Variants in PHF24 observed in about 807,000 individuals in gnomAD.
The protein encoded by PHF24 is PHD finger protein 24.
PHF24 carries 25 observed loss-of-function variants against 42.6 expected under a neutral mutation model. That is an observed-to-expected ratio of 0.59 (90% confidence interval 0.43 to 0.82). The LOEUF is 0.82. PHF24 is among the 40% of genes least tolerant of loss of function. The pLI, the probability that PHF24 is intolerant of heterozygous loss-of-function variation, is 0.00. For synonymous variants in PHF24, 185 were observed against 204.8 expected (o/e 0.90, Z 0.83); for missense variants, 470 against 538.1 (o/e 0.87, Z 1.25).
At chr9:34,722,645 A>T in the PHF24 span, among the ~76,000 whole-genome samples, 1 of 152,190 alleles carries the variant, frequency 6.6e-6, no homozygotes, top group Admixed American at 6.5e-5. Flanking sequence ...TGCTTCTCAA[A>T]GTAATTTTTA....
chr9:34,883,685 C>G, the PHF24 span, among the ~76,000 whole-genome samples: 10 of 152,122 alleles, frequency 6.6e-5, no homozygotes, highest in African/African-American at 1.2e-4. Context: ...ACACCAGTTA[C>G]AATGGTGATC....
At chr9:34,896,392 T>G in the PHF24 span, among the ~76,000 whole-genome samples, 30 of 152,304 alleles carry the variant, frequency 2.0e-4, no homozygotes, top group Non-Finnish European at 3.5e-4. Flanking sequence ...AAAGAAGGAC[T>G]TCTCCCAATC....
At chr9:34,675,085 C>T in the PHF24 span, among the ~76,000 whole-genome samples, 12 of 152,104 alleles carry the variant, frequency 7.9e-5, no homozygotes, top group African/African-American at 1.9e-4. Flanking sequence ...GTCAAACTCC[C>T]GGGCTCAAGT....
chr9:34,829,409 A>G, the PHF24 span, among the ~76,000 whole-genome samples: 9 of 152,186 alleles, frequency 5.9e-5, no homozygotes, highest in Non-Finnish European at 1.2e-4. Flanking sequence ...ACCTCATGAG[A>G]TGACAAGCTC....
the PHF24 span, among the ~76,000 whole-genome samples, chr9:34,759,715 G>A: frequency 1.3e-5 from 2 of 152,054 alleles, no homozygotes; most frequent in Admixed American, 6.6e-5. Context: ...TGCAAATCCT[G>A]CACCTGCTCC....
the PHF24 span, among the ~76,000 whole-genome samples, chr9:34,797,483 T>C: frequency 6.6e-6 from 1 of 152,082 alleles, no homozygotes; most frequent in Non-Finnish European, 1.5e-5. Context: ...AGGGAATGGA[T>C]TGGGAAGGTT....
At chr9:34,678,768 C>G in the PHF24 span, among the ~76,000 whole-genome samples, 1 of 152,032 alleles carries the variant, frequency 6.6e-6, no homozygotes, top group African/African-American at 2.4e-5. Flanking sequence ...GTCTCTGGGA[C>G]TACAGGCATG....
intron 1 of PHF24, among the ~76,000 whole-genome samples, chr9:34,967,829 T>G (rs929945352): frequency 6.6e-6 from 1 of 152,198 alleles, no homozygotes; most frequent in Non-Finnish European, 1.5e-5. Context: ...TTAGATCATA[T>G]GAACTTTTAA....
chr9:34,947,455 A>G, the PHF24 span, among the ~76,000 whole-genome samples: 12 of 152,274 alleles, frequency 7.9e-5, no homozygotes, highest in Non-Finnish European at 5.9e-5. Context: ...TATATACAGT[A>G]CATAATACTT....
the PHF24 span, among the ~76,000 whole-genome samples, chr9:34,700,314 G>C: frequency 1.1e-4 from 17 of 152,236 alleles, no homozygotes; most frequent in African/African-American, 4.1e-4. Context: ...TGCAAGAATG[G>C]AAGCAGGGAG....
the PHF24 span, among the ~76,000 whole-genome samples, chr9:34,781,546 G>A: frequency 6.6e-6 from 1 of 152,146 alleles, no homozygotes; most frequent in African/African-American, 2.4e-5. Flanking sequence ...ACAACATTGT[G>A]AATGTAACTA....
the PHF24 span, among the ~76,000 whole-genome samples, chr9:34,673,330 G>A: frequency 7.0e-6 from 1 of 142,876 alleles, no homozygotes; most frequent in African/African-American, 2.6e-5. Context: ...CTCCGGTCCG[G>A]GCTACAGAGC....
the PHF24 span, among the ~76,000 whole-genome samples, chr9:34,789,712 AC>A: frequency 1.3e-5 from 2 of 152,248 alleles, no homozygotes; most frequent in Non-Finnish European, 2.9e-5. Context: ...GAACTGTCAA[AC>A]TAAATAACAG....
chr9:34,768,578 G>C, the PHF24 span, among the ~76,000 whole-genome samples: 1 of 152,092 alleles, frequency 6.6e-6, no homozygotes, highest in Non-Finnish European at 1.5e-5. Context: ...GGATTAAATG[G>C]GATGTTGTAA....
chr9:34,679,724 C>T, the PHF24 span, among the ~76,000 whole-genome samples: 2 of 151,774 alleles, frequency 1.3e-5, no homozygotes, highest in African/African-American at 4.8e-5. Flanking sequence ...AAAAAACTTC[C>T]ATATTGTGGA....
At chr9:34,678,164 T>C in the PHF24 span, 2 of 152,328 alleles carry the variant, frequency 1.3e-5, no homozygotes, top group African/African-American at 4.8e-5. Flanking sequence ...CCTGGATGTT[T>C]CCTGCCCTTG....
the PHF24 span, among the ~76,000 whole-genome samples, chr9:34,921,423 G>A: frequency 6.6e-6 from 1 of 150,936 alleles, no homozygotes; most frequent in Admixed American, 6.6e-5. Context: ...TTGTTTTACT[G>A]CTGTGCTTGA....
the PHF24 span, chr9:34,837,623 A>G: frequency 1.5e-5 from 22 of 1,485,174 alleles, no homozygotes; most frequent in Non-Finnish European, 1.8e-5. Flanking sequence ...CCCACAGTGG[A>G]AGGGAGTCAG....
the PHF24 span, chr9:34,838,408 C>A: frequency 1.6e-6 from 2 of 1,240,192 alleles, no homozygotes; most frequent in Admixed American, 4.0e-5. Context: ...TTTCACTTGC[C>A]AGATAATTAC....
Sources: allele counts gnomAD v4.1 joint callset (sites outside exome capture counted in the v4.1 genomes callset), GRCh38; gene constraint gnomAD v4.1.1; transcripts MANE v1.5; gene names NCBI Gene and HGNC (gene_info 2026-07-23, HGNC 2026-07-21).